CEACAM20: variants seen among roughly 807,000 people sequenced by gnomAD.
CEACAM20 encodes the protein cell adhesion molecule CEACAM20.
In CEACAM20, 50 loss-of-function variants were observed where a neutral mutation model predicts 61.2. That is an observed-to-expected ratio of 0.82 (90% CI 0.65 to 1.03). The LOEUF (loss-of-function observed/expected upper bound fraction) is 1.03, where lower values mean the gene tolerates loss of function less well. Ranked by LOEUF, CEACAM20 falls within the 50% of genes least tolerant of loss-of-function variation. The pLI is 0.00. For synonymous variants in CEACAM20, 282 were observed against 287.7 expected, an observed-to-expected ratio of 0.98 and a Z score of 0.20; for missense variants, 683 against 736.4, an observed-to-expected ratio of 0.93 and a Z score of 0.84.
chr19:44,519,326 G>C (rs550629771), intron 5 of CEACAM20, among the ~76,000 whole-genome samples: 1 of 152,296 alleles, frequency 6.6e-6, no homozygotes, highest in African/African-American at 2.4e-5. Flanking sequence ...AGTATCAAAT[G>C]CCCAACATGT....
In CEACAM20 at chr19:44,522,859, C is replaced by T; in HGVS notation, c.526G>A (p.Val176Met). The change falls in exon 4 of 12, where the codon GTG becomes ATG. Residue 176 changes from valine (V) to methionine (M), a missense_variant. Val to Met is a conservative substitution (Grantham distance 21, BLOSUM62 1). Transcript: ENST00000614924. Reference sequence around the variant, plus strand: ...CTGGAGCCCTCCATCACCTCAACCACCTCCCCACTGGCAACACCAGACTCC... The same window carrying T: ...CTGGAGCCCTCCATCACCTCAACCATCTCCCCACTGGCAACACCAGACTCC... The part of the protein sequence containing the change: ...KLESGVASGE[V>M]VEVMEGSSMT... The T allele has an allele frequency of 1.2e-6, 2 of 1,609,884 alleles. No homozygotes were observed. The highest frequency in any genetic ancestry group is 1.7e-6 in the Non-Finnish European group (2 of 1,178,384).
chr19:44,523,060 G>A, intron 3 of CEACAM20, 148 bp from the exon 4 acceptor site: 1 of 700,978 alleles, frequency 1.4e-6, no homozygotes, highest in Non-Finnish European at 2.4e-6. Context: ...CAGTCAGATG[G>A]AGATGAAATG....
intron 3 of CEACAM20, among the ~76,000 whole-genome samples, chr19:44,523,605 T>C (rs1465326852): frequency 6.6e-6 from 1 of 151,872 alleles, no homozygotes; most frequent in Non-Finnish European, 1.5e-5. Context: ...TTTGTAGAGA[T>C]GGGATCTTGG....
chr19:44,507,154 T>A (rs1388990310), intron 11 of CEACAM20, among the ~76,000 whole-genome samples: 3 of 152,222 alleles, frequency 2.0e-5, no homozygotes, highest in African/African-American at 7.2e-5. Flanking sequence ...TCTCAGCCTC[T>A]GTTGCTACAA....
intron 11 of CEACAM20, among the ~76,000 whole-genome samples, chr19:44,509,568 G>C (rs1167790105): frequency 2.6e-5 from 4 of 152,046 alleles, no homozygotes; most frequent in African/African-American, 4.8e-5. Flanking sequence ...AAGTAATAAA[G>C]ACAAGGGAAT....
intron 7 of CEACAM20, 79 bp downstream of exon 7, chr19:44,513,093 T>C (rs908179812): frequency 8.2e-6 from 11 of 1,340,272 alleles, no homozygotes; most frequent in Non-Finnish European, 1.1e-5. Flanking sequence ...CTCAGCACCA[T>C]GGTCAGCAAC....
intron 6 of CEACAM20, among the ~76,000 whole-genome samples, chr19:44,514,477 C>A (rs985813146): frequency 4.0e-5 from 6 of 150,420 alleles, no homozygotes; most frequent in Non-Finnish European, 8.8e-5. Context: ...GAGATGGAGT[C>A]TCACTCTGTT....
chr19:44,520,872 C>G, intron 4 of CEACAM20, 120 bp from the exon 5 acceptor site: 1 of 942,094 alleles, frequency 1.1e-6, no homozygotes, highest in Middle Eastern at 2.4e-4. Flanking sequence ...GTGTGTGTTA[C>G]AGGTGGTGTA....
chr19:44,510,284 G>C (rs1178848713), intron 11 of CEACAM20, among the ~76,000 whole-genome samples: 1 of 151,886 alleles, frequency 6.6e-6, no homozygotes, highest in Non-Finnish European at 1.5e-5. Flanking sequence ...GGCCAAGGCG[G>C]GCAGATCAAT....
Position 44,517,034 on chromosome 19 carries a change from G to C in CEACAM20, c.1221C>G (p.Thr407=). 6.2e-7 allele frequency: 1 copy of C among 1,600,162 alleles called. No individual in the cohort carries two copies. Among genetic ancestry groups the C allele is most frequent in the Non-Finnish European group, 8.5e-7 (1 of 1,173,640 alleles). The change falls in exon 6 of 12, where the codon ACC becomes ACG. Residue 407 remains threonine, a synonymous_variant. Coordinates refer to ENST00000614924, the MANE Select transcript of CEACAM20 (RefSeq NM_001102597.3). ...AGTTGTAGATCCCGTCGTGTTCCCA[G>C]GTCAGAGCCCTGATAATCAGCTGCT... ...LGEQLIIRAL[T]WEHDGIYNCT...
chr19:44,523,390 CAG>C (rs1335152357), intron 3 of CEACAM20, among the ~76,000 whole-genome samples: 2 of 150,868 alleles, frequency 1.3e-5, no homozygotes, highest in Non-Finnish European at 2.9e-5. Context: ...GCCTGGACAG[CAG>C]AGAGAAATCT....
intron 1 of CEACAM20, among the ~76,000 whole-genome samples, chr19:44,525,981 T>C (rs1444669097): frequency 6.6e-6 from 1 of 152,084 alleles, no homozygotes; most frequent in Non-Finnish European, 1.5e-5. Flanking sequence ...CTCACCAAGA[T>C]GGTATTGTCA....
chr19:44,528,227 C>G (rs960575527), intron 1 of CEACAM20, among the ~76,000 whole-genome samples: 2 of 145,398 alleles, frequency 1.4e-5, no homozygotes, highest in Non-Finnish European at 3.0e-5. Context: ...TTCCCTCTTT[C>G]TTTCTTCTTT....
At chr19:44,514,823 T>A (rs1235379) in intron 6 of CEACAM20, among the ~76,000 whole-genome samples, 74,325 of 150,850 alleles carry the variant, frequency 0.49, 18,320 homozygotes, top group Middle Eastern at 0.64. Context: ...CTTTTTAAAA[T>A]TTTTTTTAAA....
intron 9 of CEACAM20, 135 bp from the exon 10 acceptor site, chr19:44,511,807 G>T: frequency 2.0e-6 from 2 of 1,006,304 alleles, no homozygotes; most frequent in Non-Finnish European, 3.0e-6. Context: ...GCTAGGAATT[G>T]TCATGTCAAA....
At chr19:44,508,579 A>G (rs903892574) in intron 11 of CEACAM20, among the ~76,000 whole-genome samples, 1 of 152,046 alleles carries the variant, frequency 6.6e-6, no homozygotes, top group East Asian at 1.9e-4. Flanking sequence ...CAGTAGAGAC[A>G]GCGTTTCACC....
At chr19:44,522,139 C>T (rs1279256264) in intron 4 of CEACAM20, among the ~76,000 whole-genome samples, 2 of 151,550 alleles carry the variant, frequency 1.3e-5, no homozygotes, top group Non-Finnish European at 2.9e-5. Context: ...GAGTCTTGCT[C>T]TGTCGCCCAG....
chr19:44,521,525 TTGTG>T (rs917446805), intron 4 of CEACAM20, among the ~76,000 whole-genome samples: 8 of 152,056 alleles, frequency 5.3e-5, no homozygotes, highest in Non-Finnish European at 8.8e-5. Context: ...TGTGAGCATT[TTGTG>T]TGTGTGTTGT....
chr19:44,513,022 T>A (rs1971049238), intron 7 of CEACAM20, 69 bp from the exon 8 acceptor site: 1 of 1,397,038 alleles, frequency 7.2e-7, no homozygotes, highest in South Asian at 1.3e-5. Flanking sequence ...TCTGCCCATA[T>A]CCCATGTCCA....
Sources: allele counts gnomAD v4.1 joint callset (sites outside exome capture counted in the v4.1 genomes callset), GRCh38; gene constraint gnomAD v4.1.1; transcripts MANE v1.5; gene names NCBI Gene and HGNC (gene_info 2026-07-23, HGNC 2026-07-21).